SBF2: variants seen among roughly 807,000 people sequenced by gnomAD.
SBF2 encodes SET binding factor 2.
Under a neutral mutation model 225.2 loss-of-function variants are expected in SBF2, and 112 were observed. The ratio of observed to expected loss-of-function variants is 0.50; its 90% CI spans 0.43 to 0.58. The LOEUF (loss-of-function observed/expected upper bound fraction) is 0.58, where lower values mean the gene tolerates loss of function less well. Among genes scored for constraint, SBF2 ranks in the 20% least tolerant of loss-of-function variants. The pLI, the probability that SBF2 is intolerant of heterozygous loss-of-function variation, is 0.00. For synonymous variants in SBF2, 763 were observed against 773.3 expected (o/e 0.99, Z 0.22); for missense variants, 1,996 against 2,206.2 (o/e 0.90, Z 1.91).
At chr11:9,802,574 T>G (rs1274262077) in intron 32 of SBF2, among the ~76,000 whole-genome samples, 2 of 152,204 alleles carry the variant, frequency 1.3e-5, no homozygotes, top group Non-Finnish European at 1.5e-5. Context: ...TTGAACCTGT[T>G]TTTTTGATGT....
At chr11:10,280,842 T>C (rs1309628929) in intron 1 of SBF2, among the ~76,000 whole-genome samples, 1 of 84,046 alleles carries the variant, frequency 1.2e-5, no homozygotes, top group Non-Finnish European at 2.6e-5. Flanking sequence ...GGATTGGGGG[T>C]GGGGGAGGCG....
At chr11:9,960,637 G>T (rs1440005054) in intron 16 of SBF2, 3 of 151,356 alleles carry the variant, frequency 2.0e-5, no homozygotes, top group Non-Finnish European at 4.4e-5. Context: ...TTATAAGTGT[G>T]CCAATTCTAC....
intron 9 of SBF2, among the ~76,000 whole-genome samples, chr11:9,997,802 A>G (rs2134494236): frequency 6.6e-6 from 1 of 152,338 alleles, no homozygotes; most frequent in Non-Finnish European, 1.5e-5. Flanking sequence ...AATTTTGGAC[A>G]CTTTATGTAT....
At chr11:10,253,949 C>T (rs746142035) in intron 1 of SBF2, among the ~76,000 whole-genome samples, 2 of 152,096 alleles carry the variant, frequency 1.3e-5, no homozygotes, top group Non-Finnish European at 2.9e-5. Context: ...TATTACCTCA[C>T]ATCTGTTAAA....
At chr11:10,144,271 T>C (rs575091937) in intron 2 of SBF2, among the ~76,000 whole-genome samples, 2 of 152,278 alleles carry the variant, frequency 1.3e-5, no homozygotes, top group South Asian at 4.1e-4. Flanking sequence ...GCAGATGGCT[T>C]GAGCCCAGGA....
intron 1 of SBF2, among the ~76,000 whole-genome samples, chr11:10,218,796 C>A (rs1295343724): frequency 1.3e-5 from 2 of 152,196 alleles, no homozygotes; most frequent in Non-Finnish European, 2.9e-5. Flanking sequence ...ATAGGGCAGT[C>A]ATTAAACCTT....
At chr11:10,131,581 GCAC>G (rs1024296803) in intron 2 of SBF2, among the ~76,000 whole-genome samples, 8 of 152,060 alleles carry the variant, frequency 5.3e-5, no homozygotes, top group Non-Finnish European at 1.0e-4. Flanking sequence ...CTACAGGTAT[GCAC>G]CACCACATCT....
intron 28 of SBF2, among the ~76,000 whole-genome samples, chr11:9,821,690 T>C (rs1854765769): frequency 6.6e-6 from 1 of 152,252 alleles, no homozygotes; most frequent in South Asian, 2.1e-4. Context: ...TCAGTATTTT[T>C]TTCAAAATTA....
chr11:10,157,874 A>G (rs1174871953), intron 2 of SBF2, among the ~76,000 whole-genome samples: 1 of 152,188 alleles, frequency 6.6e-6, no homozygotes, highest in Admixed American at 6.5e-5. Flanking sequence ...ATTCCACCCA[A>G]CAACAGAAGG....
intron 16 of SBF2, among the ~76,000 whole-genome samples, chr11:9,903,070 C>G (rs1193492395): frequency 6.6e-6 from 1 of 151,954 alleles, no homozygotes; most frequent in Non-Finnish European, 1.5e-5. Flanking sequence ...GCCTGTAATC[C>G]CAGCACTTTG....
intron 38 of SBF2, 86 bp downstream of exon 38, chr11:9,784,265 T>A (rs898136787): frequency 3.0e-6 from 3 of 1,000,326 alleles, no homozygotes; most frequent in Non-Finnish European, 4.8e-6. Context: ...ACATGAGGAA[T>A]CTATCTGTCT....
intron 13 of SBF2, among the ~76,000 whole-genome samples, chr11:9,970,806 T>A (rs1377251322): frequency 6.6e-6 from 1 of 152,216 alleles, no homozygotes. Flanking sequence ...CTCTCATACA[T>A]GCTCTGTATT....
chr11:10,173,804 C>A (rs1189827518), intron 2 of SBF2, among the ~76,000 whole-genome samples: 1 of 149,794 alleles, frequency 6.7e-6, no homozygotes. Flanking sequence ...CAGCACGCAG[C>A]TGGAGATCTG....
chr11:9,932,256 A>T (rs1368076694), intron 16 of SBF2, among the ~76,000 whole-genome samples: 1 of 152,190 alleles, frequency 6.6e-6, no homozygotes, highest in Non-Finnish European at 1.5e-5. Context: ...GCAGGCCAAC[A>T]TTCAAATTCA....
intron 38 of SBF2, 86 bp from the exon 39 acceptor site, chr11:9,781,724 C>T (rs1387074087): frequency 1.0e-5 from 15 of 1,487,440 alleles, no homozygotes; most frequent in Non-Finnish European, 5.6e-6. Context: ...ATACCTTCCT[C>T]TGTACCTTGG....
Position 9,832,336 on chromosome 11 carries a change from C to G in SBF2, c.3540G>C (p.Leu1180=), listed in dbSNP as rs766137744. The change falls in exon 27 of 40, where the codon CTG becomes CTC. Residue 1180 remains leucine, a synonymous_variant. Coordinates refer to ENST00000256190, the MANE Select transcript of SBF2 (RefSeq NM_030962.4). ...RVARCYRHNR[L]PVVCWKNSRS... ...TTGAGTTCTTCCAACATACAACAGG[C>G]AGGCGATTGTGTCGATAGCAGCGAG... The G allele has an allele frequency of 1.2e-5, 20 of 1,614,092 alleles. No individual in the cohort carries two copies. The Admixed American group carries it at 3.0e-4, about 24-fold the overall frequency.
At chr11:10,165,922 T>C (rs1294214137) in intron 2 of SBF2, among the ~76,000 whole-genome samples, 1 of 152,180 alleles carries the variant, frequency 6.6e-6, no homozygotes, top group East Asian at 1.9e-4. Flanking sequence ...ACTTTTAGCA[T>C]ATGTCAAGTT....
rs796992647 is a variant in SBF2, at chr11:9,816,087, A to C, written c.3978+753T>G. ...TAAACGTTGAGATTTCTGAGTTAAC[A>C]GATAACTTTCATGTCCTATATACCT... is the stretch of plus-strand genomic sequence containing the variant. On this transcript the variant is annotated intron_variant, in intron 29 of 39. Coordinates refer to ENST00000256190, the MANE Select transcript of SBF2 (RefSeq NM_030962.4). Among the ~76,000 whole-genome samples the C allele has an allele frequency of 5.9e-5, 9 of 152,376 alleles. 1 individual carries two copies. The highest frequency in any genetic ancestry group is 2.2e-4 in the African/African-American group (9 of 41,598).
chr11:9,891,402 T>C (rs1052196175), intron 17 of SBF2, among the ~76,000 whole-genome samples: 1 of 152,176 alleles, frequency 6.6e-6, no homozygotes, highest in Admixed American at 6.5e-5. Flanking sequence ...AATCAATGAG[T>C]AGCCCAATGT....
Sources: allele counts gnomAD v4.1 joint callset (sites outside exome capture counted in the v4.1 genomes callset), GRCh38; gene constraint gnomAD v4.1.1; transcripts MANE v1.5; gene names NCBI Gene and HGNC (gene_info 2026-07-23, HGNC 2026-07-21).